Variants in TAFA5 observed in about 807,000 individuals in gnomAD.
TAFA5 encodes the protein TAFA chemokine like family member 5, also known as chemokine-like protein TAFA-5.
Under a neutral mutation model 15.3 loss-of-function variants are expected in TAFA5, and 6 were observed. The observed-to-expected ratio is 0.39, with a 90% CI of 0.21 to 0.77. TAFA5 has a LOEUF of 0.77. Among genes scored for constraint, TAFA5 ranks in the 30% least tolerant of loss-of-function variants. TAFA5 has a pLI of 0.41. For synonymous variants in TAFA5, 103 were observed against 80.7 expected, an observed-to-expected ratio of 1.28 and a Z score of -1.48; for missense variants, 161 against 193.1, an observed-to-expected ratio of 0.83 and a Z score of 0.98.
chr22:48,542,734 T>C (rs1922501636), intron 1 of TAFA5, among the ~76,000 whole-genome samples: 1 of 145,958 alleles, frequency 6.9e-6, no homozygotes, highest in South Asian at 2.2e-4. Flanking sequence ...GTGGTGTGTA[T>C]AGTGATATGT....
At position 48,674,710 on chromosome 22, in the gene TAFA5, C is replaced by T. The variant is rs111656144; in HGVS notation, c.262+27964C>T. Among the ~76,000 whole-genome samples, 1,273 of 152,234 alleles carry T rather than the reference C, an allele frequency of 8.4e-3. 10 individuals are homozygous for T. Among genetic ancestry groups the T allele is most frequent in the African/African-American group, 0.029 (1,189 of 41,538 alleles). ...CAGAAGGAGCCCTCGTTCAGGGAGA[C>T]GCCGTGGGGAGGGGGGCCACCTTAG... On this transcript the variant is annotated intron_variant, in intron 2 of 3. Transcript: ENST00000402357.
intron 2 of TAFA5, among the ~76,000 whole-genome samples, chr22:48,651,849 C>T (rs539620033): frequency 2.0e-5 from 3 of 152,176 alleles, no homozygotes; most frequent in South Asian, 2.1e-4. Flanking sequence ...GCCCTGGCCA[C>T]GTACAGGAGT....
intron 1 of TAFA5, among the ~76,000 whole-genome samples, chr22:48,629,812 T>G (rs1926150208): frequency 6.6e-6 from 1 of 152,214 alleles, no homozygotes; most frequent in African/African-American, 2.4e-5. Flanking sequence ...ACATCGCCTC[T>G]GCAGGAAACC....
intron 1 of TAFA5, among the ~76,000 whole-genome samples, chr22:48,528,187 C>T (rs1193814780): frequency 6.6e-6 from 1 of 152,224 alleles, no homozygotes; most frequent in African/African-American, 2.4e-5. Context: ...GTGCCGGAAA[C>T]CCGTGAATCA....
chr22:48,513,600 G>A (rs1483913583), intron 1 of TAFA5, among the ~76,000 whole-genome samples: 2 of 152,258 alleles, frequency 1.3e-5, no homozygotes, highest in East Asian at 3.9e-4. Flanking sequence ...CTCTGAGCGA[G>A]ACATGGCTAA....
At chr22:48,675,728 G>A (rs990888841) in intron 2 of TAFA5, among the ~76,000 whole-genome samples, 4 of 152,260 alleles carry the variant, frequency 2.6e-5, no homozygotes, top group Non-Finnish European at 5.9e-5. Flanking sequence ...ACAGCTGCCG[G>A]GGAGCCCCGC....
intron 1 of TAFA5, among the ~76,000 whole-genome samples, chr22:48,542,782 TGTCATGTGTGGTG>T (rs1922504799): frequency 6.7e-6 from 1 of 148,550 alleles, no homozygotes; most frequent in South Asian, 2.1e-4. Context: ...GTGTGGTGTA[TGTCATGTGTGGTG>T]TACAGTGTGT....
chr22:48,611,952 C>T (rs930877037), intron 1 of TAFA5, among the ~76,000 whole-genome samples: 1 of 152,194 alleles, frequency 6.6e-6, no homozygotes, highest in African/African-American at 2.4e-5. Flanking sequence ...TGCTGGAATC[C>T]TGGGTCCCTG....
intron 3 of TAFA5, among the ~76,000 whole-genome samples, chr22:48,725,523 G>C (rs1322328929): frequency 1.3e-5 from 2 of 152,118 alleles, no homozygotes; most frequent in East Asian, 3.9e-4. Context: ...CAGGAGCCAG[G>C]AACCCAAGGT....
chr22:48,632,544 G>A lies in TAFA5; in HGVS notation c.113-14053G>A, dbSNP rs146672378. On this transcript the variant is annotated intron_variant, in intron 1 of 3. Coordinates refer to ENST00000402357, the MANE Select transcript of TAFA5 (RefSeq NM_001082967.3). ...TGAGCTCGGTGCCTGCCACCCTTGC[G>A]GGGATACTAGGGTGAAACAAGACGC... Among the ~76,000 whole-genome samples the A allele has an allele frequency of 2.3e-3, 355 of 151,400 alleles. 3 individuals are homozygous for A. The highest frequency in any genetic ancestry group is 8.2e-3 in the African/African-American group (334 of 40,708).
intron 1 of TAFA5, among the ~76,000 whole-genome samples, chr22:48,621,048 C>A (rs1235278354): frequency 1.1e-5 from 1 of 91,210 alleles, no homozygotes; most frequent in Non-Finnish European, 2.2e-5. Flanking sequence ...TCCCACCCAT[C>A]CACCCACCAA....
rs182126069 is a variant in TAFA5, at chr22:48,732,272, C to T, written c.391-17567C>T. ...TTTTTGTTGTTTTGTTTTTCTGAGA[C>T]GGAGTCTTGCTCTTGTCACCCAGGC... On this transcript the variant is annotated intron_variant, in intron 3 of 3. Transcript: ENST00000402357. Among the ~76,000 whole-genome samples the T allele has an allele frequency of 1.3e-4, 12 of 92,174 alleles. No individual in the cohort carries two copies. In the South Asian group the frequency reaches 1.5e-3, roughly 12 times the overall value. The allele number at this position is 92,174 out of a possible 152,430, so 60.5% of individuals were successfully genotyped here. A position where few individuals can be genotyped will look rare whatever the true frequency, so the allele number is the denominator to read the frequency against.
At chr22:48,675,338 G>A (rs771013711) in intron 2 of TAFA5, among the ~76,000 whole-genome samples, 60 of 152,286 alleles carry the variant, frequency 3.9e-4, no homozygotes, top group African/African-American at 1.0e-3. Flanking sequence ...CGGGGCCCCC[G>A]TCCAAAACTC....
Position 48,552,290 on chromosome 22 carries a change from G to A in TAFA5, c.112+62586G>A, listed in dbSNP as rs1922883528. Among the ~76,000 whole-genome samples, 1 of 152,208 alleles carries A rather than the reference G, an allele frequency of 6.6e-6. No homozygotes were observed. Among genetic ancestry groups the A allele is most frequent in the Admixed American group, 6.5e-5 (1 of 15,284 alleles). ...CTGGTGCCTGGCTGCTGTCACCCAG[G>A]AGTTGGGCTCTGGGCAGGGAGGAGG... On this transcript the variant is annotated intron_variant, in intron 1 of 3. Coordinates refer to ENST00000402357, the MANE Select transcript of TAFA5 (RefSeq NM_001082967.3). This position sits in a 1 kb window ranked among gnomAD's most constrained non-coding sequence, Gnocchi z 4.1.
At chr22:48,669,662 G>T (rs1363857435) in intron 2 of TAFA5, among the ~76,000 whole-genome samples, 1 of 152,184 alleles carries the variant, frequency 6.6e-6, no homozygotes, top group Admixed American at 6.5e-5. Context: ...TTTCCTCCCT[G>T]AGCCAGGGGG....
At chr22:48,640,303 G>A (rs545198013) in intron 1 of TAFA5, among the ~76,000 whole-genome samples, 15 of 152,258 alleles carry the variant, frequency 9.9e-5, no homozygotes, top group Admixed American at 7.2e-4. Context: ...CAGAGCTGGC[G>A]TCTGAGTGGG....
Position 48,490,082 on chromosome 22 carries a change from GC to G in TAFA5, c.112+380del, listed in dbSNP as rs1377799525. On this transcript the variant is annotated intron_variant, in intron 1 of 3. Transcript: ENST00000402357. This position sits in a 1 kb window ranked among gnomAD's most constrained non-coding sequence, Gnocchi z 5.8. ...CAGGTCGCGGAGGGCGGGCGGCGCT[GC>G]CGGGGTGTCTGCGGAGCGCCCTCCC... Among the ~76,000 whole-genome samples the G allele has an allele frequency of 6.6e-6, 1 of 152,048 alleles. No individual in the cohort carries two copies. The highest frequency in any genetic ancestry group is 6.5e-5 in the Admixed American group (1 of 15,270).
chr22:48,693,437 G>A, intron 2 of TAFA5: 7 of 1,607,684 alleles, frequency 4.4e-6, no homozygotes, highest in Non-Finnish European at 5.9e-6. Flanking sequence ...GTAAAGGAGG[G>A]ACTGCGACTC....
chr22:48,691,144 G>A (rs1162558120), intron 2 of TAFA5, among the ~76,000 whole-genome samples: 2 of 152,156 alleles, frequency 1.3e-5, no homozygotes, highest in Non-Finnish European at 2.9e-5. Flanking sequence ...AAGCCTCAGG[G>A]CGGCCCGGGG....
Sources: gnomAD v4.1 joint callset for allele counts (sites outside exome capture counted in the v4.1 genomes callset) on GRCh38, gnomAD v4.1.1 for gene constraint, Gnocchi (gnomAD v3.1) non-coding constraint, MANE v1.5 for transcripts, NCBI Gene and HGNC (gene_info 2026-07-23, HGNC 2026-07-21) for gene names.